Variants in ALDOB observed in about 807,000 individuals in gnomAD.
The protein encoded by ALDOB is fructose-bisphosphate aldolase B.
ALDOB carries 39 observed loss-of-function variants against 41.0 expected under a neutral mutation model. The observed-to-expected ratio is 0.95, with a 90% confidence interval of 0.74 to 1.24. The LOEUF is 1.24. Ranked by LOEUF, ALDOB falls within the 50% of genes most tolerant of loss-of-function variation. The pLI, the probability that ALDOB is intolerant of heterozygous loss-of-function variation, is 0.00. For synonymous variants in ALDOB, 175 were observed against 168.8 expected (o/e 1.04, Z -0.28); for missense variants, 530 against 457.3 (o/e 1.16, Z -1.45).
intron 8 of ALDOB, among the ~76,000 whole-genome samples, chr9:101,423,642 G>A (rs1224791052): frequency 6.6e-6 from 1 of 151,962 alleles, no homozygotes; most frequent in African/African-American, 2.4e-5. Context: ...TCTCTTTTCT[G>A]CCTCTTCCCT....
chr9:101,431,106 T>C lies in ALDOB; in HGVS notation c.-10-209A>G, dbSNP rs113443424. 0.03 allele frequency among the ~76,000 whole-genome samples: 4,607 copies of C among 152,310 alleles called. 251 individuals are homozygous for C. The highest frequency in any genetic ancestry group is 0.11 in the African/African-American group (4,432 of 41,538). ...CAATGAATGAAGGTGGGTTACTGAATGTTCATGGTGATCCTAGACAGAATG... is the reference window on the plus strand; with the variant it reads ...CAATGAATGAAGGTGGGTTACTGAACGTTCATGGTGATCCTAGACAGAATG... On this transcript the variant is annotated intron_variant, in intron 1 of 8. Transcript: ENST00000647789.
Position 101,425,686 on chromosome 9 carries a change from C to G in ALDOB, c.625-59G>C, listed in dbSNP as rs577601048. On this transcript the variant is annotated intron_variant, in intron 6 of 8. Transcript: ENST00000647789. Reference sequence around the variant, plus strand: ...AAAGCTAGTCATAGAGCCACTTGACCTTGGCACATTTACACTGCAGGGAGG... The same window carrying G: ...AAAGCTAGTCATAGAGCCACTTGACGTTGGCACATTTACACTGCAGGGAGG... The G allele has an allele frequency of 1.0e-4, 159 of 1,579,458 alleles. No homozygotes were observed. In the East Asian group the frequency reaches 3.2e-3, roughly 32 times the overall value.
chr9:101,434,952 T>G (rs1831270713), intron 1 of ALDOB, among the ~76,000 whole-genome samples: 1 of 152,190 alleles, frequency 6.6e-6, no homozygotes, highest in Non-Finnish European at 1.5e-5. Flanking sequence ...GAAGTTATTT[T>G]TTAAAAAGGC....
In ALDOB at chr9:101,424,778, C is replaced by T. The variant is rs1479804460; in HGVS notation, c.999+65G>A. 71 of 1,579,456 alleles carry T rather than the reference C, an allele frequency of 4.5e-5. 1 individual carries two copies. Among genetic ancestry groups the T allele is most frequent in the South Asian group, 1.6e-4 (14 of 90,026 alleles). ...TGGCCCAAAGAAAACAATGCTTCTCCGTGTTGGAAAGTCAAGCCCCAAATG... is the reference window on the plus strand; with the variant it reads ...TGGCCCAAAGAAAACAATGCTTCTCTGTGTTGGAAAGTCAAGCCCCAAATG... On this transcript the variant is annotated intron_variant, in intron 8 of 8. Coordinates refer to ENST00000647789, the MANE Select transcript of ALDOB (RefSeq NM_000035.4).
intron 8 of ALDOB, among the ~76,000 whole-genome samples, chr9:101,423,348 G>A (rs774252195): frequency 2.1e-4 from 32 of 152,172 alleles, no homozygotes; most frequent in South Asian, 4.1e-4. Flanking sequence ...GCTATTTTGC[G>A]TTCTGAATCT....
intron 6 of ALDOB, 76 bp from the exon 7 acceptor site, chr9:101,425,703 G>A: frequency 2.1e-6 from 3 of 1,456,602 alleles, no homozygotes; most frequent in Non-Finnish European, 2.9e-6. Context: ...CATTTACACT[G>A]CAGGGAGGCA....
chr9:101,432,280 G>A (rs1290263129), intron 1 of ALDOB, among the ~76,000 whole-genome samples: 1 of 152,172 alleles, frequency 6.6e-6, no homozygotes, highest in Non-Finnish European at 1.5e-5. Context: ...TGGGGTAATA[G>A]GACAAGCTAG....
intron 1 of ALDOB, among the ~76,000 whole-genome samples, chr9:101,434,032 A>G (rs936790473): frequency 6.6e-5 from 10 of 152,176 alleles, no homozygotes; most frequent in African/African-American, 2.4e-4. Context: ...TTGGCCTCGC[A>G]AAGTGCTGGG....
Position 101,429,898 on chromosome 9 carries a change from C to G in ALDOB, c.181G>C (p.Glu61Gln). The change falls in exon 3 of 9, where the codon GAA becomes CAA. Residue 61 changes from glutamate to glutamine, a missense_variant. Glu to Gln is a conservative substitution (Grantham distance 29, BLOSUM62 2). Transcript: ENST00000647789. ...GAACTGTCCACAGAGAAGAGGATTT[C>G]TCGGAACTGCCGGCGGTTCTCTTCA... Reference protein sequence around the residue: ...NTEENRRQFREILFSVDSSIN... With the variant: ...NTEENRRQFRQILFSVDSSIN... The G allele has an allele frequency of 6.2e-7, 1 of 1,614,130 alleles. No individual in the cohort carries two copies. Among genetic ancestry groups the G allele is most frequent in the Non-Finnish European group, 8.5e-7 (1 of 1,180,028 alleles).
intron 8 of ALDOB, among the ~76,000 whole-genome samples, chr9:101,424,435 CAAA>C (rs1831093616): frequency 6.6e-6 from 1 of 152,060 alleles, no homozygotes; most frequent in Non-Finnish European, 1.5e-5. Flanking sequence ...AACAAACAAA[CAAA>C]CAAATAAACA....
At chr9:101,428,595 G>C in intron 3 of ALDOB, 72 bp from the exon 4 acceptor site, 1 of 1,269,000 alleles carries the variant, frequency 7.9e-7, no homozygotes, top group East Asian at 2.3e-5. Flanking sequence ...CTAACTAACA[G>C]TTTGCATCTT....
rs146360505 is a variant in ALDOB at position 101,425,493 on chromosome 9, G to T, written c.759C>A (p.Thr253=). The T allele has an allele frequency of 2.2e-5, 35 of 1,614,006 alleles. No homozygotes were observed. The East Asian group carries it at 6.9e-4, about 32-fold the overall frequency. ...GAACAGTACGGTGGAGAGCTGTTAC[G>T]GTGGCCATAGCTACTTGTTCTGGAG... ...KYTPEQVAMA[T]VTALHRTVPA... is the part of the protein sequence containing the mutation. The change falls in exon 7 of 9, where the codon ACC becomes ACA. Residue 253 remains threonine (T), a synonymous_variant. Coordinates refer to ENST00000647789, the MANE Select transcript of ALDOB (RefSeq NM_000035.4).
At position 101,421,951 on chromosome 9, in the gene ALDOB, C is replaced by T. The variant is rs772943573; in HGVS notation, c.1000-47G>A. On this transcript the variant is annotated intron_variant, in intron 8 of 8. Transcript: ENST00000647789. The stretch of plus-strand genomic sequence containing the variant: ...GGAGACTGGTTAGAGTAAATGTGAC[C>T]CCACCTTGACCCTGTCTGCCTCTCA... The T allele has an allele frequency of 4.8e-5, 71 of 1,478,538 alleles. 1 individual carries two copies. The South Asian group carries it at 7.9e-4, about 16-fold the overall frequency. 91.6% of individuals were successfully genotyped at this position (1,478,538 alleles called of 1,614,324 possible). A position where few individuals can be genotyped will look rare whatever the true frequency, so the allele number is the denominator to read the frequency against.
chr9:101,434,099 C>T (rs868536309), intron 1 of ALDOB, among the ~76,000 whole-genome samples: 2 of 152,136 alleles, frequency 1.3e-5, no homozygotes, highest in East Asian at 3.8e-4. Flanking sequence ...TTCTTTATCA[C>T]GCACTTTATT....
In ALDOB at chr9:101,429,758, G is replaced by C. The variant is rs1403312459; in HGVS notation, c.321C>G (p.Ile107Met). 1 of 1,613,896 alleles carries C rather than the reference G, an allele frequency of 6.2e-7. No homozygotes were observed. The highest frequency in any genetic ancestry group is 8.5e-7 in the Non-Finnish European group (1 of 1,179,940). ...ILKEKGIVVG[I>M]KLDQGGAPLA... ...AGGTGTGAATGGAGGTGTTCACCTT[G>C]ATTCCCACCACGATCCCCTTTTCCT... The change falls in exon 3 of 9, where the codon ATC becomes ATG. Residue 107 changes from isoleucine to methionine, a missense_variant. By Grantham distance (10) the Ile-to-Met change is conservative. Coordinates refer to ENST00000647789, the MANE Select transcript of ALDOB (RefSeq NM_000035.4).
chr9:101,428,383 G>A (rs1420521655), intron 4 of ALDOB, 86 bp downstream of exon 4: 1 of 1,266,436 alleles, frequency 7.9e-7, no homozygotes. Context: ...TAATAGTTGT[G>A]TTTTGTTTTT....
intron 8 of ALDOB, among the ~76,000 whole-genome samples, chr9:101,422,666 G>A (rs1831065690): frequency 6.6e-6 from 1 of 152,178 alleles, no homozygotes; most frequent in Non-Finnish European, 1.5e-5. Context: ...AATACAGTTA[G>A]GCAGAAGGAA....
At chr9:101,433,173 A>T (rs898676866) in intron 1 of ALDOB, among the ~76,000 whole-genome samples, 1 of 152,228 alleles carries the variant, frequency 6.6e-6, no homozygotes, top group Non-Finnish European at 1.5e-5. Flanking sequence ...ATAAACATGA[A>T]GATTCTTTAC....
In ALDOB at chr9:101,420,569, C is replaced by G. The variant is rs1004032884; in HGVS notation, c.*1240G>C. 6.6e-6 allele frequency: 1 copy of G among 152,114 alleles called. No homozygotes were observed. The highest frequency in any genetic ancestry group is 1.5e-5 in the Non-Finnish European group (1 of 68,018). 9.4% of individuals were successfully genotyped at this position (152,114 alleles called of 1,614,324 possible). A position where few individuals can be genotyped will look rare whatever the true frequency, so the allele number is the denominator to read the frequency against. On this transcript the variant is annotated 3_prime_UTR_variant, in exon 9 of 9. Coordinates refer to ENST00000647789, the MANE Select transcript of ALDOB (RefSeq NM_000035.4). ...GTATTATTCAAGGTAAGAAATTTAGCATACTACCATCAATATTTTAATTTT... is the reference window on the plus strand; with the variant it reads ...GTATTATTCAAGGTAAGAAATTTAGGATACTACCATCAATATTTTAATTTT...
Sources: gnomAD v4.1 joint callset for allele counts (sites outside exome capture counted in the v4.1 genomes callset) on GRCh38, gnomAD v4.1.1 for gene constraint, MANE v1.5 for transcripts, NCBI Gene and HGNC (gene_info 2026-07-23, HGNC 2026-07-21) for gene names.